Variants in ACAD8 observed in about 807,000 individuals in gnomAD.
The protein encoded by ACAD8 is isobutyryl-CoA dehydrogenase, mitochondrial.
A neutral mutation model predicts 53.1 loss-of-function variants in ACAD8; 47 were observed. The ratio of observed to expected loss-of-function variants is 0.89; its 90% CI spans 0.70 to 1.13. The LOEUF is 1.13. Ranked by LOEUF, ACAD8 falls within the 50% of genes most tolerant of loss-of-function variation. The probability of loss-of-function intolerance (pLI) is 0.00; values close to 1 mark genes in which losing one functional copy is unlikely to be tolerated. For synonymous variants in ACAD8, 198 were observed against 201.3 expected (o/e 0.98, Z 0.14); for missense variants, 494 against 535.0 (o/e 0.92, Z 0.76).
chr11:134,253,826 G>A, intron 1 of ACAD8, 117 bp downstream of exon 1: 2 of 1,110,224 alleles, frequency 1.8e-6, no homozygotes, highest in East Asian at 2.6e-5. Flanking sequence ...CTCCCCTTCC[G>A]GCCAGTCACC....
Position 134,261,322 on chromosome 11 carries a change from G to A in ACAD8, c.889G>A (p.Asp297Asn). 1.2e-6 allele frequency: 2 copies of A among 1,614,094 alleles called. No individual in the cohort carries two copies. Among genetic ancestry groups the A allele is most frequent in the Non-Finnish European group, 1.7e-6 (2 of 1,180,016 alleles). The part of the protein sequence containing the change: ...AAHASVILTR[D>N]HLNVRKQFGE... ...CCACGCCTCTGTCATCCTCACCCGA[G>A]ACCACCTCAATGTCCGGAAGCAGTT... The change falls in exon 8 of 11, where the codon GAC (aspartate) becomes AAC (asparagine). Residue 297 changes from aspartate to asparagine, a missense_variant. Coordinates refer to ENST00000281182, the MANE Select transcript of ACAD8 (RefSeq NM_014384.3). This position sits in a 1 kb window ranked among gnomAD's most constrained non-coding sequence, Gnocchi z 4.2.
intron 9 of ACAD8, 157 bp downstream of exon 9, chr11:134,262,047 T>C: frequency 1.1e-6 from 1 of 873,758 alleles, no homozygotes; most frequent in Non-Finnish European, 1.8e-6. Context: ...GAGCGGCCTA[T>C]GTGGGAGCTC....
In ACAD8 at chr11:134,261,013, G is replaced by A. The variant is rs1177911380; in HGVS notation, c.706-31G>A. ...AGGCCGCCCTACCTGCTGGATTGTT[G>A]GGCAACCACGCAGTCCCTGATTTTT... On this transcript the variant is annotated intron_variant, in intron 6 of 10. Coordinates refer to ENST00000281182, the MANE Select transcript of ACAD8 (RefSeq NM_014384.3). The surrounding 1 kb of genome is among the most constrained non-coding windows in gnomAD (Gnocchi z 4.2). The A allele has an allele frequency of 6.2e-7, 1 of 1,609,098 alleles. No homozygotes were observed. The highest frequency in any genetic ancestry group is 8.5e-7 in the Non-Finnish European group (1 of 1,177,830).
rs1363475850 is a variant in ACAD8, at chr11:134,264,898, C to A, written c.1196-10C>A. On this transcript the variant is annotated splice_polypyrimidine_tract_variant and intron_variant, in intron 10 of 10. Coordinates refer to ENST00000281182, the MANE Select transcript of ACAD8 (RefSeq NM_014384.3). ...GCTGTGAAATTCTTCCTCCTTCCTC[C>A]CTCTTACAGGTAGCAATGAAGTGAT... is the stretch of plus-strand genomic sequence containing the variant. 35 of 1,613,918 alleles carry A rather than the reference C, an allele frequency of 2.2e-5. No homozygotes were observed. Among genetic ancestry groups the A allele is most frequent in the Non-Finnish European group, 2.9e-5 (34 of 1,179,796 alleles).
chr11:134,258,179 G>A, intron 3 of ACAD8: 1 of 366,262 alleles, frequency 2.7e-6, no homozygotes, highest in South Asian at 2.2e-5. Context: ...ATCCAAAGAT[G>A]GAACTGCCAG....
In ACAD8 at chr11:134,258,103, G is replaced by A. The variant is rs1254119115; in HGVS notation, c.381-412G>A. ...CTGACCTTGTGTTCTGCCTGCCTCG[G>A]CCTCCCATAGTGCTGGGATTACAGA... On this transcript the variant is annotated intron_variant, in intron 3 of 10. Transcript: ENST00000281182. 1.0e-5 allele frequency: 3 copies of A among 287,384 alleles called. No homozygotes were observed. In the East Asian group the frequency reaches 2.7e-4, roughly 26 times the overall value. The allele number at this position is 287,384 out of a possible 1,614,324, so 17.8% of individuals were successfully genotyped here. A position where few individuals can be genotyped will look rare whatever the true frequency, so the allele number is the denominator to read the frequency against.
chr11:134,263,410 A>G (rs1940018194), intron 10 of ACAD8: 1 of 986,066 alleles, frequency 1.0e-6, no homozygotes, highest in Non-Finnish European at 1.2e-6. Flanking sequence ...CCTCAACCCC[A>G]GAGCTTCTGC....
At chr11:134,263,439 G>A in intron 10 of ACAD8, 1 of 983,862 alleles carries the variant, frequency 1.0e-6, no homozygotes. Context: ...GTCTAGTGTG[G>A]GCCTGGGAAT....
At position 134,261,434 on chromosome 11, in the gene ACAD8, G is replaced by C; in HGVS notation, c.939+62G>C. On this transcript the variant is annotated intron_variant, in intron 8 of 10. Transcript: ENST00000281182. The surrounding 1 kb of genome is among the most constrained non-coding windows in gnomAD (Gnocchi z 4.2). ...TTTGCAGCCCGGGACCTGCTCTAGG[G>C]CCCACATTTCCAGGAGAGAAGCCAG... The C allele has an allele frequency of 6.3e-7, 1 of 1,576,882 alleles. No individual in the cohort carries two copies. Among genetic ancestry groups the C allele is most frequent in the Non-Finnish European group, 8.7e-7 (1 of 1,146,834 alleles).
chr11:134,262,992 T>G, intron 10 of ACAD8: 9 of 1,209,502 alleles, frequency 7.4e-6, no homozygotes, highest in Non-Finnish European at 9.5e-6. Flanking sequence ...AAGGCAAATG[T>G]GAGCCAGTAT....
rs775905049 is a variant in ACAD8, at chr11:134,256,635, A to G, written c.197A>G (p.Glu66Gly). Residue 66 changes from glutamate (E) to glycine (G), a missense_variant, in exon 2 of 11, where the codon GAG becomes GGG. Glu to Gly is a moderately conservative substitution (Grantham distance 98). Transcript: ENST00000281182. ...CGAGAGATGGCTCCAAATATGGCAG[A>G]GTGGGACCAGAAGGTAGGCGTTTTT... ...AAREMAPNMA[E>G]WDQKELFPVD... is the part of the protein sequence containing the mutation. 6.2e-7 allele frequency: 1 copy of G among 1,614,186 alleles called. No homozygotes were observed.
At position 134,261,889 on chromosome 11, in the gene ACAD8, C is replaced by T; in HGVS notation, c.1091C>T (p.Ala364Val). 6.2e-7 allele frequency: 1 copy of T among 1,613,894 alleles called. No homozygotes were observed. The highest frequency in any genetic ancestry group is 8.5e-7 in the Non-Finnish European group (1 of 1,180,024). The change falls in exon 9 of 11, where the codon GCC (alanine) becomes GTC (valine). Residue 364 changes from alanine to valine, a missense_variant and splice_region_variant. Physicochemically the swap from Ala to Val is moderately conservative, Grantham distance 64. Coordinates refer to ENST00000281182, the MANE Select transcript of ACAD8 (RefSeq NM_014384.3). The surrounding 1 kb of genome is among the most constrained non-coding windows in gnomAD (Gnocchi z 4.2). ...CTCTTTGCTACAGATGAATGCTTTG[C>T]CGTAAGTGATTCCTCTGGCTCTCCT... ...AKLFATDECF[A>V]ICNQALQMHG...
chr11:134,258,658 GGA>G (rs2136079087), intron 4 of ACAD8, 34 bp downstream of exon 4: 1 of 1,482,228 alleles, frequency 6.7e-7, no homozygotes, highest in Non-Finnish European at 9.4e-7. Flanking sequence ...GATATAGCAG[GGA>G]GAGATGCTTC....
rs1417794705 is a variant in ACAD8, at chr11:134,259,234, TCTCA to T, written c.567+153_567+156del. The T allele has an allele frequency of 7.9e-5, 60 of 758,846 alleles. 1 individual carries two copies. The Middle Eastern group carries it at 2.0e-3, about 25-fold the overall frequency. 47.0% of individuals were successfully genotyped at this position (758,846 alleles called of 1,614,324 possible). ...CTCTGACCCATTTCTCTTTCTTTAT[TCTCA>T]CTGTTTGTATCTCTCCTAATCTGAT... On this transcript the variant is annotated intron_variant, in intron 5 of 10. Transcript: ENST00000281182.
rs908368010 is a variant in ACAD8, at chr11:134,261,049, G to A, written c.711G>A (p.Gly237=). Residue 237 remains glycine (G), a synonymous_variant, in exon 7 of 11, where the codon GGG becomes GGA. Coordinates refer to ENST00000281182, the MANE Select transcript of ACAD8 (RefSeq NM_014384.3). The surrounding 1 kb of genome is among the most constrained non-coding windows in gnomAD (Gnocchi z 4.2). ...CAGTCCCTGATTTTTGCCAGGTGGG[G>A]TGGAACTCCCAGCCAACACGAGCTG... is the stretch of plus-strand genomic sequence containing the variant. ...LSFGKKEKKV[G]WNSQPTRAVI... The A allele has an allele frequency of 5.6e-6, 9 of 1,612,378 alleles. No homozygotes were observed. The South Asian group carries it at 6.6e-5, about 12-fold the overall frequency.
Position 134,261,145 on chromosome 11 carries a change from C to T in ACAD8, c.807C>T (p.Ala269=), listed in dbSNP as rs998953069. ...IGSEGQGFLI[A]VRGLNGGRIN... Reference sequence around the variant, plus strand: ...GCGAGGGGCAGGGCTTCCTCATTGCCGTGAGAGGACTGAACGGAGGGAGGA... The same window carrying T: ...GCGAGGGGCAGGGCTTCCTCATTGCTGTGAGAGGACTGAACGGAGGGAGGA... Residue 269 remains alanine, a synonymous_variant, in exon 7 of 11, where the codon GCC becomes GCT. Coordinates refer to ENST00000281182, the MANE Select transcript of ACAD8 (RefSeq NM_014384.3). The surrounding 1 kb of genome is among the most constrained non-coding windows in gnomAD (Gnocchi z 4.2). 17 of 1,612,506 alleles carry T rather than the reference C, an allele frequency of 1.1e-5. No individual in the cohort carries two copies. The highest frequency in any genetic ancestry group is 1.6e-4 in the Middle Eastern group (1 of 6,084).
rs1261693760 is a variant in ACAD8 at position 134,259,990 on chromosome 11, C to G, written c.705+245C>G. The G allele has an allele frequency of 5.2e-6, 7 of 1,334,456 alleles. No homozygotes were observed. In the Admixed American group the frequency reaches 1.3e-4, roughly 25 times the overall value. The allele number at this position is 1,334,456 out of a possible 1,614,324, so 82.7% of individuals were successfully genotyped here. A position where few individuals can be genotyped will look rare whatever the true frequency, so the allele number is the denominator to read the frequency against. On this transcript the variant is annotated intron_variant, in intron 6 of 10. Coordinates refer to ENST00000281182, the MANE Select transcript of ACAD8 (RefSeq NM_014384.3). ...TCAAGCCACCTGTGAGTGTTCTGAC[C>G]TCTCCTGCCTCTGCTTTTGGCCTGT...
Position 134,257,251 on chromosome 11 carries a change from T to A in ACAD8, c.374T>A (p.Ile125Asn). The A allele has an allele frequency of 1.2e-6, 2 of 1,614,130 alleles. No homozygotes were observed. The highest frequency in any genetic ancestry group is 1.7e-6 in the Non-Finnish European group (2 of 1,180,026). Residue 125 changes from isoleucine (I) to asparagine (N), a missense_variant, in exon 3 of 11, where the codon ATC becomes AAC. By Grantham distance (149) the Ile-to-Asn change is moderately radical. Coordinates refer to ENST00000281182, the MANE Select transcript of ACAD8 (RefSeq NM_014384.3). ...GCTSTTAYIS[I>N]HNMCAWMIDS... ...ACCAGCACCACAGCCTATATAAGCA[T>A]CCACAAGTGAGTGCCCAAGCTTGGA...
chr11:134,263,913 CT>C lies in ACAD8; in HGVS notation c.1196-990del. ...TGATTCCTCGAGGGGGTTTATATTTCTTTTTGCATTAAAGGCCACTGCTAAA... is the reference window on the plus strand; with the variant it reads ...TGATTCCTCGAGGGGGTTTATATTTCTTTTGCATTAAAGGCCACTGCTAAA... On this transcript the variant is annotated intron_variant, in intron 10 of 10. Transcript: ENST00000281182. The C allele has an allele frequency of 4.1e-6, 4 of 985,374 alleles. No homozygotes were observed. In the South Asian group the frequency reaches 1.9e-4, roughly 46 times the overall value. 61.0% of individuals were successfully genotyped at this position (985,374 alleles called of 1,614,324 possible).
Sources: allele counts gnomAD v4.1 joint callset, GRCh38; gene constraint gnomAD v4.1.1; non-coding constraint Gnocchi (gnomAD v3.1); transcripts MANE v1.5; gene names NCBI Gene and HGNC (gene_info 2026-07-23, HGNC 2026-07-21).